FGGY: variants seen among roughly 807,000 people sequenced by gnomAD.
FGGY encodes the protein FGGY carbohydrate kinase domain-containing protein.
In FGGY, 72 loss-of-function variants were observed where a neutral mutation model predicts 71.3. That is an observed-to-expected ratio of 1.01 (90% CI 0.84 to 1.23). The LOEUF (loss-of-function observed/expected upper bound fraction) is 1.23. Ranked by LOEUF, FGGY falls within the 50% of genes most tolerant of loss-of-function variation. The pLI is 0.00. For missense variants in FGGY, 668 were observed against 682.3 expected (o/e 0.98, Z 0.23); for synonymous variants, 251 against 250.3 (o/e 1.00, Z -0.02).
At chr1:59,625,753 T>G (rs1332961688) in intron 9 of FGGY, among the ~76,000 whole-genome samples, 1 of 152,162 alleles carries the variant, frequency 6.6e-6, no homozygotes, top group Admixed American at 6.5e-5. Flanking sequence ...TTCATTTCTG[T>G]TTACTCTTCT....
chr1:59,405,991 A>G (rs867836613), intron 5 of FGGY, among the ~76,000 whole-genome samples: 28 of 151,976 alleles, frequency 1.8e-4, no homozygotes, highest in Admixed American at 5.2e-4. Context: ...AATGAAGAAA[A>G]ACTAGAGAAC....
chr1:59,714,950 C>T (rs1029982610), intron 14 of FGGY, among the ~76,000 whole-genome samples: 11 of 152,266 alleles, frequency 7.2e-5, no homozygotes, highest in East Asian at 1.9e-4. Flanking sequence ...ATCATACTTC[C>T]GAGGCCTTCA....
chr1:59,687,431 T>C (rs2097552564), intron 14 of FGGY, among the ~76,000 whole-genome samples: 2 of 152,148 alleles, frequency 1.3e-5, no homozygotes, highest in Non-Finnish European at 2.9e-5. Flanking sequence ...CAACAACCTG[T>C]TGGGCTTCTA....
chr1:59,539,646 A>G (rs1396025054), intron 7 of FGGY, among the ~76,000 whole-genome samples: 4 of 152,250 alleles, frequency 2.6e-5, no homozygotes, highest in Non-Finnish European at 5.9e-5. Flanking sequence ...ATTTAAAAAA[A>G]TAAAGTTCCT....
At chr1:59,424,252 A>T (rs1357666374) in intron 5 of FGGY, among the ~76,000 whole-genome samples, 1 of 152,222 alleles carries the variant, frequency 6.6e-6, no homozygotes, top group Non-Finnish European at 1.5e-5. Flanking sequence ...TAGAATTAAT[A>T]CATGTGAAGA....
At chr1:59,651,620 TC>T in intron 11 of FGGY, among the ~76,000 whole-genome samples, 1 of 150,488 alleles carries the variant, frequency 6.6e-6, no homozygotes. Flanking sequence ...TCTTCCTCCA[TC>T]CTTTTATTTT....
intron 4 of FGGY, among the ~76,000 whole-genome samples, chr1:59,374,047 A>G (rs1296547782): frequency 6.6e-6 from 1 of 152,248 alleles, no homozygotes; most frequent in Admixed American, 6.5e-5. Context: ...GCCAGAATTG[A>G]CAAATGGGAT....
At chr1:59,374,373 A>G (rs1413799487) in intron 4 of FGGY, among the ~76,000 whole-genome samples, 1 of 152,252 alleles carries the variant, frequency 6.6e-6, no homozygotes, top group Non-Finnish European at 1.5e-5. Flanking sequence ...CACACCAGTT[A>G]GAATGGTGAT....
In FGGY at chr1:59,591,407, A is replaced by G. The variant is rs1272116478; in HGVS notation, c.904-16396A>G. ...TCAGTGCCATCCCCATCAAGCTACC[A>G]ATGACTTTCTTCACAGAATTGGAAA... On this transcript the variant is annotated intron_variant, in intron 8 of 15. Transcript: ENST00000303721. Among the ~76,000 whole-genome samples, 7 of 152,294 alleles carry G rather than the reference A, an allele frequency of 4.6e-5. No individual in the cohort carries two copies. The East Asian group carries it at 1.2e-3, about 25-fold the overall frequency.
At chr1:59,379,116 A>G (rs2059047422) in intron 5 of FGGY, among the ~76,000 whole-genome samples, 1 of 150,384 alleles carries the variant, frequency 6.6e-6, no homozygotes, top group African/African-American at 2.4e-5. Context: ...TGAAATGTGG[A>G]TTTTTCCAAA....
chr1:59,371,414 T>C (rs1413959514), intron 4 of FGGY, among the ~76,000 whole-genome samples: 1 of 152,066 alleles, frequency 6.6e-6, no homozygotes, highest in African/African-American at 2.4e-5. Flanking sequence ...AAGCAAGTCC[T>C]TAGAGAACTA....
At chr1:59,738,267 T>C (rs1031555972) in intron 14 of FGGY, among the ~76,000 whole-genome samples, 4 of 152,102 alleles carry the variant, frequency 2.6e-5, no homozygotes, top group African/African-American at 7.2e-5. Context: ...GCTGGTGAGA[T>C]TACAAAAATC....
At chr1:59,435,004 C>A (rs1171512509) in intron 5 of FGGY, among the ~76,000 whole-genome samples, 1 of 152,170 alleles carries the variant, frequency 6.6e-6, no homozygotes, top group Non-Finnish European at 1.5e-5. Flanking sequence ...AATATAAATA[C>A]TGGGACAGAT....
chr1:59,638,393 C>T lies in FGGY; in HGVS notation c.1221+18C>T, dbSNP rs770153346. 34 of 1,613,732 alleles carry T rather than the reference C, an allele frequency of 2.1e-5. No homozygotes were observed. The highest frequency in any genetic ancestry group is 2.9e-5 in the Non-Finnish European group (34 of 1,179,870). On this transcript the variant is annotated intron_variant, in intron 11 of 15. Transcript: ENST00000303721. ...AGGGCATGGTAAGTAACAGCTAGTC[C>T]TTGCACATGGGTGAAGGCAGGCCAA...
intron 5 of FGGY, among the ~76,000 whole-genome samples, chr1:59,441,288 T>G (rs190971385): frequency 6.6e-6 from 1 of 152,190 alleles, no homozygotes; most frequent in Admixed American, 6.5e-5. Flanking sequence ...CTAAGTGGTT[T>G]TGCTTCTAAC....
chr1:59,572,132 T>C (rs1217764270), intron 8 of FGGY, among the ~76,000 whole-genome samples: 1 of 152,174 alleles, frequency 6.6e-6, no homozygotes, highest in East Asian at 1.9e-4. Flanking sequence ...CCTCTGTATG[T>C]ATGATATGTA....
intron 6 of FGGY, among the ~76,000 whole-genome samples, chr1:59,473,088 G>A (rs113606160): frequency 0.029 from 4,356 of 152,164 alleles, 200 homozygotes; most frequent in African/African-American, 0.1. Context: ...CAACCCACTC[G>A]GGTCCCCTTC....
At chr1:59,567,432 C>CT (rs1381769051) in intron 8 of FGGY, among the ~76,000 whole-genome samples, 3 of 152,144 alleles carry the variant, frequency 2.0e-5, no homozygotes, top group African/African-American at 7.2e-5. Flanking sequence ...CAGGCAAAGA[C>CT]TAAGCCACAA....
At chr1:59,297,919 C>T (rs1569789413) in intron 1 of FGGY, among the ~76,000 whole-genome samples, 2 of 152,234 alleles carry the variant, frequency 1.3e-5, no homozygotes, top group East Asian at 3.9e-4. Context: ...ATTTCTTCCC[C>T]GAAGAGTCAG....
Sources: gnomAD v4.1 joint callset for allele counts (sites outside exome capture counted in the v4.1 genomes callset) on GRCh38, gnomAD v4.1.1 for gene constraint, MANE v1.5 for transcripts, NCBI Gene and HGNC (gene_info 2026-07-23, HGNC 2026-07-21) for gene names.